The following PDE1A variants were observed in gnomAD, a reference collection of about 807,000 sequenced individuals.
PDE1A encodes the protein phosphodiesterase 1A.
PDE1A carries 35 observed loss-of-function variants against 61.7 expected under a neutral mutation model. The observed-to-expected ratio is 0.57, with a 90% confidence interval of 0.43 to 0.75. PDE1A has a LOEUF of 0.75. PDE1A is among the 30% of genes least tolerant of loss of function. The pLI, the probability that PDE1A is intolerant of heterozygous loss-of-function variation, is 0.00. For synonymous variants in PDE1A, 232 were observed against 213.2 expected (o/e 1.09, Z -0.77); for missense variants, 597 against 630.6 (o/e 0.95, Z 0.57).
chr2:182,353,142 C>T (rs1051173329), intron 1 of PDE1A, among the ~76,000 whole-genome samples: 1 of 152,136 alleles, frequency 6.6e-6, no homozygotes, highest in African/African-American at 2.4e-5. Context: ...CAGACACTTG[C>T]TCATGGCAAA....
chr2:182,516,702 GAGGAAGGA>G (rs199731099), intron 2 of PDE1A, among the ~76,000 whole-genome samples: 17,862 of 116,630 alleles, frequency 0.15, 1,997 homozygotes, highest in African/African-American at 0.33. Flanking sequence ...GGGAGGAAGG[GAGGAAGGA>G]AGGAAGGAAG....
At chr2:182,478,011 G>C (rs1018958249) in intron 2 of PDE1A, among the ~76,000 whole-genome samples, 2 of 151,890 alleles carry the variant, frequency 1.3e-5, no homozygotes, top group Non-Finnish European at 2.9e-5. Context: ...ACAAAGGACA[G>C]CTGCATGTCA....
In PDE1A at chr2:182,345,468, C is replaced by A. The variant is rs149194355; in HGVS notation, c.54-81054G>T. On this transcript the variant is annotated intron_variant, in intron 1 of 13. Transcript: ENST00000351439. ...TTCTGAACAGCAGTCAGATTCTCTG[C>A]CAAAAACCATCCATGTTTCCCTATC... Among the ~76,000 whole-genome samples, 22 of 152,306 alleles carry A rather than the reference C, an allele frequency of 1.4e-4. No individual in the cohort carries two copies. In the East Asian group the frequency reaches 4.1e-3, roughly 28 times the overall value.
At chr2:182,246,403 TTC>T (rs1491213306) in intron 2 of PDE1A, among the ~76,000 whole-genome samples, 3,635 of 45,424 alleles carry the variant, frequency 0.08, 134 homozygotes, top group South Asian at 0.18. Context: ...TCTTTTTTCT[TTC>T]TTTTTTTTTT....
the PDE1A span, among the ~76,000 whole-genome samples, chr2:182,600,010 A>G: frequency 6.6e-6 from 1 of 152,228 alleles, no homozygotes; most frequent in Admixed American, 6.5e-5. Flanking sequence ...CTAGGAGCAC[A>G]ATCCTACTCT....
chr2:182,487,612 C>T (rs1274273901), intron 2 of PDE1A, among the ~76,000 whole-genome samples: 1 of 152,114 alleles, frequency 6.6e-6, no homozygotes, highest in African/African-American at 2.4e-5. Context: ...TACAAAAACA[C>T]TGAGAACTGC....
the PDE1A span, among the ~76,000 whole-genome samples, chr2:182,680,902 A>T: frequency 6.6e-6 from 1 of 152,204 alleles, no homozygotes; most frequent in Non-Finnish European, 1.5e-5. Context: ...ACTCTTATTT[A>T]TACCTACTTT....
chr2:182,398,382 G>A (rs1225644706), intron 1 of PDE1A, among the ~76,000 whole-genome samples: 1 of 151,848 alleles, frequency 6.6e-6, no homozygotes, highest in Non-Finnish European at 1.5e-5. Flanking sequence ...TGTCATAGAT[G>A]TGAATATAGG....
At chr2:182,349,887 T>A (rs1698760683) in intron 1 of PDE1A, among the ~76,000 whole-genome samples, 1 of 152,136 alleles carries the variant, frequency 6.6e-6, no homozygotes, top group Non-Finnish European at 1.5e-5. Flanking sequence ...ATGCAAGATT[T>A]TTTTACTACT....
At chr2:182,323,326 A>G (rs1471258183) in intron 1 of PDE1A, among the ~76,000 whole-genome samples, 1 of 152,194 alleles carries the variant, frequency 6.6e-6, no homozygotes, top group Non-Finnish European at 1.5e-5. Flanking sequence ...AAAAACTCCC[A>G]TTTCTTCTCT....
intron 13 of PDE1A, among the ~76,000 whole-genome samples, chr2:182,168,544 T>A (rs16822768): frequency 0.033 from 4,992 of 152,180 alleles, 264 homozygotes; most frequent in African/African-American, 0.11. Context: ...TAACTCAACT[T>A]ATTTTTTACT....
chr2:182,520,129 A>G (rs1690474767), intron 2 of PDE1A, among the ~76,000 whole-genome samples: 1 of 151,940 alleles, frequency 6.6e-6, no homozygotes, highest in South Asian at 2.1e-4. Context: ...TTAAATAGAC[A>G]AGACAATATC....
the PDE1A span, among the ~76,000 whole-genome samples, chr2:182,554,102 G>A: frequency 2.6e-5 from 4 of 152,156 alleles, no homozygotes; most frequent in African/African-American, 4.8e-5. Context: ...TAGACCAGTA[G>A]AGAAAGGACT....
chr2:182,329,454 A>G (rs1697260877), intron 1 of PDE1A, among the ~76,000 whole-genome samples: 1 of 152,052 alleles, frequency 6.6e-6, no homozygotes. Flanking sequence ...CAATGGGGCA[A>G]TCTCGACTCA....
chr2:182,661,463 A>G, the PDE1A span, among the ~76,000 whole-genome samples: 1 of 152,240 alleles, frequency 6.6e-6, no homozygotes, highest in Non-Finnish European at 1.5e-5. Context: ...GATTACAAGC[A>G]AAGACTACAG....
intron 2 of PDE1A, among the ~76,000 whole-genome samples, chr2:182,507,402 TGGTTTAGAG>T (rs1263974866): frequency 6.6e-6 from 1 of 152,220 alleles, no homozygotes; most frequent in Non-Finnish European, 1.5e-5. Flanking sequence ...GTTAACTGTT[TGGTTTAGAG>T]GGGCCTCAGC....
intron 11 of PDE1A, among the ~76,000 whole-genome samples, chr2:182,187,309 G>C (rs188489259): frequency 1.3e-5 from 2 of 152,320 alleles, no homozygotes; most frequent in East Asian, 3.9e-4. Flanking sequence ...GACACACAGA[G>C]AAAAGGGCAT....
At chr2:182,346,489 T>A (rs1698527807) in intron 1 of PDE1A, among the ~76,000 whole-genome samples, 2 of 152,188 alleles carry the variant, frequency 1.3e-5, no homozygotes. Context: ...AGGAACTGTG[T>A]TAGAAATTTT....
chr2:182,151,903 G>A (rs1421462576), intron 13 of PDE1A, among the ~76,000 whole-genome samples: 1 of 152,168 alleles, frequency 6.6e-6, no homozygotes, highest in Non-Finnish European at 1.5e-5. Flanking sequence ...TTAGAGATGA[G>A]AAAGACATGA....
Sources: allele counts gnomAD v4.1 joint callset (sites outside exome capture counted in the v4.1 genomes callset), GRCh38; gene constraint gnomAD v4.1.1; transcripts MANE v1.5; gene names NCBI Gene and HGNC (gene_info 2026-07-23, HGNC 2026-07-21).